The following TCF4 variants were observed in gnomAD, a reference collection of about 807,000 sequenced individuals.
TCF4 encodes transcription factor 4.
Under a neutral mutation model 82.1 loss-of-function variants are expected in TCF4, and 3 were observed. The ratio of observed to expected loss-of-function variants is 0.04; its 90% CI spans 0.02 to 0.09. The LOEUF (loss-of-function observed/expected upper bound fraction) is 0.09, where lower values mean the gene tolerates loss of function less well. Ranked by LOEUF, TCF4 falls within the 10% of genes least tolerant of loss-of-function variation. The pLI, the probability that TCF4 is intolerant of heterozygous loss-of-function variation, is 1.00. For synonymous variants in TCF4, 276 were observed against 309.6 expected (o/e 0.89, Z 1.14); for missense variants, 518 against 852.7 (o/e 0.61, Z 4.89).
At chr18:55,635,488 G>C (rs1186131905) in intron 1 of TCF4, among the ~76,000 whole-genome samples, 1 of 149,788 alleles carries the variant, frequency 6.7e-6, no homozygotes, top group Non-Finnish European at 1.5e-5. Flanking sequence ...CAGCCTGTGA[G>C]ACAGAGTGAG....
intron 3 of TCF4, among the ~76,000 whole-genome samples, chr18:55,489,649 TG>T (rs1395699416): frequency 6.6e-6 from 1 of 152,090 alleles, no homozygotes; most frequent in Non-Finnish European, 1.5e-5. Flanking sequence ...TGAGGGAAAA[TG>T]ATTTGCCATT....
intron 2 of TCF4, among the ~76,000 whole-genome samples, chr18:55,598,724 A>G (rs1172402624): frequency 6.6e-6 from 1 of 152,248 alleles, no homozygotes; most frequent in Non-Finnish European, 1.5e-5. Context: ...AAAAGCCATC[A>G]GGGTTGCGAA....
intron 3 of TCF4, among the ~76,000 whole-genome samples, chr18:55,483,896 AACC>A (rs1424415964): frequency 3.9e-5 from 6 of 152,220 alleles, no homozygotes; most frequent in Admixed American, 2.6e-4. Context: ...TAATAACCAG[AACC>A]ACCACACTAA....
chr18:55,372,487 G>A (rs2089542866), intron 6 of TCF4, among the ~76,000 whole-genome samples: 1 of 151,944 alleles, frequency 6.6e-6, no homozygotes, highest in Admixed American at 6.6e-5. Flanking sequence ...GACAGAAAAA[G>A]GGGATACAAG....
chr18:55,586,993 T>C, intron 2 of TCF4, 52 bp downstream of exon 2: 1 of 1,533,152 alleles, frequency 6.5e-7, no homozygotes, highest in East Asian at 2.3e-5. Context: ...GTGTTTGGGT[T>C]TTTGTTTTGT....
At chr18:55,357,497 A>C (rs1485960353) in intron 6 of TCF4, among the ~76,000 whole-genome samples, 1 of 152,236 alleles carries the variant, frequency 6.6e-6, no homozygotes, top group Admixed American at 6.5e-5. Flanking sequence ...CCAAAGTAAA[A>C]ATAGAACAAT....
At chr18:55,370,462 T>C (rs1234469348) in intron 6 of TCF4, among the ~76,000 whole-genome samples, 2 of 151,306 alleles carry the variant, frequency 1.3e-5, no homozygotes, top group African/African-American at 4.9e-5. Flanking sequence ...GATAGATAGA[T>C]AGATAGATAG....
chr18:55,249,562 C>T (rs1021660880), intron 15 of TCF4, among the ~76,000 whole-genome samples: 7 of 152,170 alleles, frequency 4.6e-5, no homozygotes, highest in African/African-American at 1.7e-4. Flanking sequence ...GGTCAGGCCC[C>T]TGGTCTTTTA....
chr18:55,254,428 C>T (rs2056213874), intron 15 of TCF4, 69 bp downstream of exon 15: 1 of 1,470,600 alleles, frequency 6.8e-7, no homozygotes, highest in East Asian at 2.4e-5. Flanking sequence ...AAAACAGCAA[C>T]AATAGTATCT....
chr18:55,559,735 G>A (rs1486863363), intron 3 of TCF4, among the ~76,000 whole-genome samples: 2 of 151,800 alleles, frequency 1.3e-5, no homozygotes, highest in Non-Finnish European at 2.9e-5. Context: ...CTAAAGGGTG[G>A]TTTTGTAAAA....
chr18:55,621,907 C>CTATATATAATATATACAT (rs1270258325), intron 2 of TCF4, among the ~76,000 whole-genome samples: 4 of 92,244 alleles, frequency 4.3e-5, no homozygotes, highest in African/African-American at 1.8e-4. Context: ...TATATATACA[C>CTATATATAATATATACAT]TATATATTAT....
At chr18:55,571,531 T>C (rs954503598) in intron 3 of TCF4, among the ~76,000 whole-genome samples, 12 of 152,212 alleles carry the variant, frequency 7.9e-5, no homozygotes, top group African/African-American at 2.9e-4. Flanking sequence ...ACTCCATTAT[T>C]AAGCTTCACA....
intron 2 of TCF4, among the ~76,000 whole-genome samples, chr18:55,625,818 C>A (rs551326610): frequency 1.3e-5 from 2 of 152,190 alleles, no homozygotes; most frequent in African/African-American, 4.8e-5. Context: ...TTTTTTATTT[C>A]TTTCCTTTGA....
intron 6 of TCF4, chr18:55,401,490 C>G (rs1185259975): frequency 1.0e-6 from 1 of 992,166 alleles, no homozygotes; most frequent in Non-Finnish European, 1.2e-6. Context: ...ATTAATGCCT[C>G]AAAACGAACC....
chr18:55,260,553 C>T lies in TCF4; in HGVS notation c.991-526G>A, dbSNP rs371142424. On this transcript the variant is annotated intron_variant, in intron 12 of 19. Coordinates refer to ENST00000354452, the MANE Select transcript of TCF4 (RefSeq NM_001083962.2). Reference sequence around the variant, plus strand: ...GAGACAAAATCTTAGAGAAAGAAATCTCCACTTACATTTATTTATTTATTT... The same window carrying T: ...GAGACAAAATCTTAGAGAAAGAAATTTCCACTTACATTTATTTATTTATTT... Among the ~76,000 whole-genome samples the T allele has an allele frequency of 2.1e-4, 32 of 152,192 alleles. 1 individual carries two copies. The South Asian group carries it at 5.4e-3, about 26-fold the overall frequency.
At chr18:55,242,325 G>A (rs945516445) in intron 15 of TCF4, among the ~76,000 whole-genome samples, 5 of 152,118 alleles carry the variant, frequency 3.3e-5, no homozygotes, top group African/African-American at 1.2e-4. Flanking sequence ...CTCCATTTGT[G>A]GGCATCCCAT....
chr18:55,489,230 T>C (rs2096549994), intron 3 of TCF4, among the ~76,000 whole-genome samples: 1 of 152,194 alleles, frequency 6.6e-6, no homozygotes, highest in African/African-American at 2.4e-5. Context: ...TACATATTCC[T>C]GGGTAGCTCC....
intron 5 of TCF4, among the ~76,000 whole-genome samples, chr18:55,408,168 T>C (rs1159617201): frequency 2.6e-5 from 4 of 152,210 alleles, no homozygotes; most frequent in Non-Finnish European, 4.4e-5. Context: ...AAAAATTATA[T>C]ATAAATGGTA....
chr18:55,402,591 AAAGT>A (rs1037898761), intron 6 of TCF4, among the ~76,000 whole-genome samples: 28 of 152,290 alleles, frequency 1.8e-4, no homozygotes, highest in African/African-American at 5.1e-4. Flanking sequence ...AGAGTTTTCC[AAAGT>A]AAGAAACCAA....
Sources: allele counts gnomAD v4.1 joint callset (sites outside exome capture counted in the v4.1 genomes callset), GRCh38; gene constraint gnomAD v4.1.1; transcripts MANE v1.5; gene names NCBI Gene and HGNC (gene_info 2026-07-23, HGNC 2026-07-21).